C8orf34: variants seen among roughly 807,000 people sequenced by gnomAD.
C8orf34 encodes the protein chromosome 8 open reading frame 34.
A neutral mutation model predicts 68.3 loss-of-function variants in C8orf34; 65 were observed. The ratio of observed to expected loss-of-function variants is 0.95; its 90% CI spans 0.78 to 1.17. The LOEUF is 1.17. C8orf34 is among the 50% of genes most tolerant of loss of function. C8orf34 has a pLI of 0.00. For missense variants in C8orf34, 664 were observed against 655.4 expected (o/e 1.01, Z -0.14); for synonymous variants, 244 against 241.2 (o/e 1.01, Z -0.11).
At chr8:68,382,081 T>G in intron 1 of C8orf34, among the ~76,000 whole-genome samples, 1 of 152,224 alleles carries the variant, frequency 6.6e-6, no homozygotes, top group East Asian at 1.9e-4. Flanking sequence ...TGGTTTTCCA[T>G]TCATGATGTA....
chr8:68,780,813 C>T (rs1823653244), intron 11 of C8orf34, among the ~76,000 whole-genome samples: 1 of 152,052 alleles, frequency 6.6e-6, no homozygotes, highest in African/African-American at 2.4e-5. Context: ...ATTTCATTAA[C>T]AAATGCAACA....
At chr8:68,647,380 C>T (rs1278817007) in intron 8 of C8orf34, among the ~76,000 whole-genome samples, 3 of 152,078 alleles carry the variant, frequency 2.0e-5, no homozygotes, top group Non-Finnish European at 2.9e-5. Context: ...TATTGAAAAG[C>T]GTGGAGTTTC....
At chr8:68,586,808 G>A (rs1277746216) in intron 7 of C8orf34, among the ~76,000 whole-genome samples, 1 of 152,042 alleles carries the variant, frequency 6.6e-6, no homozygotes. Context: ...CAAAGAAATA[G>A]GAACATGCCA....
chr8:68,411,894 C>G (rs1809459387), intron 1 of C8orf34, among the ~76,000 whole-genome samples: 1 of 152,162 alleles, frequency 6.6e-6, no homozygotes, highest in African/African-American at 2.4e-5. Context: ...ATGTTGAAAG[C>G]TAGTCACCAA....
rs150041402 is a variant in C8orf34 at position 68,787,441 on chromosome 8, A to C, written c.1456-2A>C. On this transcript the variant is annotated splice_acceptor_variant, in intron 11 of 13. Coordinates refer to ENST00000518698, the MANE Select transcript of C8orf34 (RefSeq NM_052958.4). LOFTEE classifies it high-confidence loss of function. ...ATCTAAAATAAATGTGTTCTTTTGC[A>C]GGATGAATCCTTAAAGCAATTGCAG... 1,128 of 1,605,834 alleles carry C rather than the reference A, an allele frequency of 7.0e-4. 2 individuals carry two copies. The highest frequency in any genetic ancestry group is 8.9e-4 in the Admixed American group (53 of 59,368).
At chr8:68,734,076 T>G (rs1822058991) in intron 10 of C8orf34, among the ~76,000 whole-genome samples, 1 of 152,158 alleles carries the variant, frequency 6.6e-6, no homozygotes, top group African/African-American at 2.4e-5. Context: ...TACAAGCATA[T>G]TTTAAAAAAG....
intron 7 of C8orf34, among the ~76,000 whole-genome samples, chr8:68,540,621 T>C (rs1278907746): frequency 6.6e-6 from 1 of 151,934 alleles, no homozygotes; most frequent in African/African-American, 2.4e-5. Flanking sequence ...GGCAGGCAGA[T>C]CACAAGGTCA....
intron 8 of C8orf34, among the ~76,000 whole-genome samples, chr8:68,666,065 G>T (rs1819831003): frequency 6.6e-6 from 1 of 152,138 alleles, no homozygotes; most frequent in African/African-American, 2.4e-5. Context: ...CCCATGGCCG[G>T]TATTTTTGTA....
intron 1 of C8orf34, among the ~76,000 whole-genome samples, chr8:68,380,523 C>T (rs1807988128): frequency 6.6e-6 from 1 of 152,190 alleles, no homozygotes; most frequent in Non-Finnish European, 1.5e-5. Context: ...ACACTTTTAT[C>T]AGTATTTGGC....
chr8:68,466,523 TAA>T (rs1421349983), intron 3 of C8orf34, among the ~76,000 whole-genome samples: 1 of 151,576 alleles, frequency 6.6e-6, no homozygotes, highest in Non-Finnish European at 1.5e-5. Context: ...GAAATAAAAA[TAA>T]AAATAAAATG....
chr8:68,695,688 T>G (rs1820811084), intron 8 of C8orf34: 3 of 152,108 alleles, frequency 2.0e-5, no homozygotes, highest in Admixed American at 1.3e-4. Flanking sequence ...CATCTGATCT[T>G]GGAAGCTAAG....
intron 8 of C8orf34, among the ~76,000 whole-genome samples, chr8:68,663,165 T>C (rs1819733548): frequency 6.6e-6 from 1 of 152,238 alleles, no homozygotes; most frequent in African/African-American, 2.4e-5. Context: ...TATTCTTGTT[T>C]GTCCAGACCA....
At chr8:68,486,886 C>A (rs1403648583) in intron 4 of C8orf34, among the ~76,000 whole-genome samples, 1 of 152,124 alleles carries the variant, frequency 6.6e-6, no homozygotes, top group East Asian at 1.9e-4. Context: ...AACTTTAGAC[C>A]TTTCCTTATC....
intron 7 of C8orf34, among the ~76,000 whole-genome samples, chr8:68,543,833 T>C (rs997999411): frequency 3.3e-5 from 5 of 152,342 alleles, no homozygotes; most frequent in Middle Eastern, 3.4e-3. Flanking sequence ...ACCCTCCACA[T>C]TGAACAGTTA....
At chr8:68,465,143 C>T (rs973212645) in intron 3 of C8orf34, among the ~76,000 whole-genome samples, 5 of 152,146 alleles carry the variant, frequency 3.3e-5, no homozygotes, top group African/African-American at 1.2e-4. Flanking sequence ...GGGCAAAGGA[C>T]ATGAACCGAC....
At chr8:68,512,189 T>C (rs7812638) in intron 5 of C8orf34, among the ~76,000 whole-genome samples, 33,708 of 152,152 alleles carry the variant, frequency 0.22, 5,735 homozygotes, top group African/African-American at 0.48. Context: ...TTTGGTTATC[T>C]TTGTGGTTTA....
intron 13 of C8orf34, 58 bp downstream of exon 13, chr8:68,816,003 A>T: frequency 6.2e-7 from 1 of 1,612,528 alleles, no homozygotes; most frequent in Non-Finnish European, 8.5e-7. Flanking sequence ...ACCTTCTAAA[A>T]CTGCTCAGGA....
chr8:68,537,467 T>A (rs1348788640), intron 7 of C8orf34, among the ~76,000 whole-genome samples: 3 of 144,962 alleles, frequency 2.1e-5, no homozygotes, highest in African/African-American at 8.1e-5. Context: ...TTATTTTCTT[T>A]TTTTTTTTAA....
intron 1 of C8orf34, among the ~76,000 whole-genome samples, chr8:68,393,426 T>C (rs1808556459): frequency 6.6e-6 from 1 of 151,928 alleles, no homozygotes; most frequent in South Asian, 2.1e-4. Context: ...AACAGATCAG[T>C]GAATAATGAG....
Sources: gnomAD v4.1 joint callset for allele counts (sites outside exome capture counted in the v4.1 genomes callset) on GRCh38, gnomAD v4.1.1 for gene constraint, MANE v1.5 for transcripts, NCBI Gene and HGNC (gene_info 2026-07-23, HGNC 2026-07-21) for gene names.